MCPH1: variants seen among roughly 807,000 people sequenced by gnomAD.
The protein encoded by MCPH1 is microcephalin 1.
A neutral mutation model predicts 84.5 loss-of-function variants in MCPH1; 104 were observed. That is an observed-to-expected ratio of 1.23 (90% CI 1.05 to 1.45). MCPH1 has a LOEUF of 1.45. Ranked by LOEUF, MCPH1 falls within the 40% of genes most tolerant of loss-of-function variation. The probability of loss-of-function intolerance (pLI) is 0.00; values close to 1 mark genes in which losing one functional copy is unlikely to be tolerated. For missense variants in MCPH1, 1,498 were observed against 1,005.7 expected (o/e 1.49, Z -6.62); for synonymous variants, 514 against 366.8 (o/e 1.40, Z -4.58).
chr8:6,457,479 C>T (rs1335695184), intron 9 of MCPH1, among the ~76,000 whole-genome samples: 3 of 151,668 alleles, frequency 2.0e-5, no homozygotes, highest in Non-Finnish European at 4.4e-5. Flanking sequence ...GTGGTGGGCA[C>T]CTGTAATCCC....
At chr8:6,503,298 G>A (rs757516622) in intron 12 of MCPH1, 3 of 1,611,636 alleles carry the variant, frequency 1.9e-6, no homozygotes, top group African/African-American at 1.3e-5. Context: ...TAGGAACTAG[G>A]TGATGCCAGC....
intron 12 of MCPH1, among the ~76,000 whole-genome samples, chr8:6,585,304 A>G (rs1428817356): frequency 6.6e-6 from 1 of 152,218 alleles, no homozygotes; most frequent in Admixed American, 6.5e-5. Context: ...TGCCCACCAC[A>G]GCAGTTGTCC....
At chr8:6,542,764 G>C (rs1172562801) in intron 12 of MCPH1, among the ~76,000 whole-genome samples, 1 of 152,246 alleles carries the variant, frequency 6.6e-6, no homozygotes, top group South Asian at 2.1e-4. Flanking sequence ...GAGCTCTGTG[G>C]AGGAGGTAGC....
intron 11 of MCPH1, among the ~76,000 whole-genome samples, chr8:6,490,701 C>G (rs910950331): frequency 6.6e-6 from 1 of 152,100 alleles, no homozygotes; most frequent in Non-Finnish European, 1.5e-5. Flanking sequence ...AATAGGAATT[C>G]CAAATGAAAT....
intron 12 of MCPH1, among the ~76,000 whole-genome samples, chr8:6,585,895 G>A (rs537806519): frequency 5.9e-5 from 9 of 152,268 alleles, no homozygotes; most frequent in African/African-American, 2.2e-4. Flanking sequence ...GCACCTCCTT[G>A]TGTTAACCCA....
chr8:6,574,457 A>C (rs1480651083), intron 12 of MCPH1, among the ~76,000 whole-genome samples: 1 of 152,188 alleles, frequency 6.6e-6, no homozygotes, highest in African/African-American at 2.4e-5. Context: ...GCTACTTCCA[A>C]ATAAGCCCAC....
rs571143745 is a variant in MCPH1 at position 6,638,596 on chromosome 8, T to A, written c.2453-4398T>A. On this transcript the variant is annotated intron_variant, in intron 13 of 13. Coordinates refer to ENST00000344683, the MANE Select transcript of MCPH1 (RefSeq NM_024596.5). ...TTACATTTAAAAAAAAAAAAAAAAA[T>A]TTTTTTTTTAATTTAAATTTCACGG... Among the ~76,000 whole-genome samples, 360 of 146,970 alleles carry A rather than the reference T, an allele frequency of 2.4e-3. 2 individuals are homozygous for A. The highest frequency in any genetic ancestry group is 7.4e-3 in the African/African-American group (289 of 39,038).
At chr8:6,622,167 G>A (rs765025713) in intron 13 of MCPH1, 1 of 210,412 alleles carries the variant, frequency 4.8e-6, no homozygotes, top group Non-Finnish European at 9.7e-6. Flanking sequence ...GGTGTTAAAA[G>A]ACGTCAAACG....
At chr8:6,640,973 A>T (rs953539195) in intron 13 of MCPH1, among the ~76,000 whole-genome samples, 5 of 151,916 alleles carry the variant, frequency 3.3e-5, no homozygotes, top group Admixed American at 6.6e-5. Flanking sequence ...TCGTCCATTG[A>T]TCTGTTTGTC....
chr8:6,637,600 CAG>C (rs1563224746), intron 13 of MCPH1, among the ~76,000 whole-genome samples: 1 of 152,158 alleles, frequency 6.6e-6, no homozygotes, highest in Admixed American at 6.5e-5. Context: ...ATGGAAGTCA[CAG>C]AACGATTTTA....
chr8:6,607,524 G>C (rs1238372329), intron 12 of MCPH1, among the ~76,000 whole-genome samples: 1 of 152,214 alleles, frequency 6.6e-6, no homozygotes, highest in African/African-American at 2.4e-5. Flanking sequence ...GGTGAGGAAA[G>C]AAATCTTTCC....
chr8:6,578,626 C>G (rs1470897313), intron 12 of MCPH1, among the ~76,000 whole-genome samples: 5 of 152,136 alleles, frequency 3.3e-5, no homozygotes, highest in African/African-American at 4.8e-5. Flanking sequence ...AATAGAAGAA[C>G]TAGAATAAGT....
intron 1 of MCPH1, chr8:6,407,062 A>C (rs573721476): frequency 3.8e-5 from 11 of 292,004 alleles, no homozygotes; most frequent in Middle Eastern, 1.1e-3. Context: ...CTGTCCCCCA[A>C]ATCCCGCCTT....
chr8:6,448,662 G>T (rs1342270651), intron 8 of MCPH1, among the ~76,000 whole-genome samples: 1 of 152,172 alleles, frequency 6.6e-6, no homozygotes, highest in African/African-American at 2.4e-5. Context: ...ACTGCAAATA[G>T]ATATTTTAAG....
chr8:6,558,649 ATC>A (rs888412382), intron 12 of MCPH1, among the ~76,000 whole-genome samples: 3 of 152,168 alleles, frequency 2.0e-5, no homozygotes, highest in African/African-American at 7.2e-5. Context: ...TATATGGATT[ATC>A]TAGTGTCTCA....
chr8:6,561,754 G>A (rs1825577645), intron 12 of MCPH1, among the ~76,000 whole-genome samples: 1 of 151,336 alleles, frequency 6.6e-6, no homozygotes, highest in African/African-American at 2.4e-5. Context: ...TTTGGATTTT[G>A]TATAAATAGC....
intron 12 of MCPH1, chr8:6,562,549 CTTCTT>C: frequency 1.1e-5 from 1 of 87,292 alleles, no homozygotes; most frequent in Non-Finnish European, 2.1e-5. Context: ...CTTCATCCTC[CTTCTT>C]TTTTTTTTTT....
At chr8:6,539,933 AAC>A (rs1205656337) in intron 12 of MCPH1, among the ~76,000 whole-genome samples, 11 of 151,994 alleles carry the variant, frequency 7.2e-5, no homozygotes, top group African/African-American at 1.9e-4. Flanking sequence ...CTAGATAACC[AAC>A]CCCTTTCCTA....
chr8:6,482,318 T>A (rs141504113), intron 11 of MCPH1, among the ~76,000 whole-genome samples: 1 of 152,316 alleles, frequency 6.6e-6, no homozygotes, highest in African/African-American at 2.4e-5. Flanking sequence ...CCTGTGAAAT[T>A]GTGAAGAAGG....
Sources: allele counts gnomAD v4.1 joint callset (sites outside exome capture counted in the v4.1 genomes callset), GRCh38; gene constraint gnomAD v4.1.1; transcripts MANE v1.5; gene names NCBI Gene and HGNC (gene_info 2026-07-23, HGNC 2026-07-21).